LYZL1: variants seen among roughly 807,000 people sequenced by gnomAD.
LYZL1 encodes lysozyme-like protein 1.
LYZL1 carries 16 observed loss-of-function variants against 17.9 expected under a neutral mutation model. The ratio of observed to expected loss-of-function variants is 0.90; its 90% CI spans 0.61 to 1.36. LYZL1 has a LOEUF of 1.36. Among genes scored for constraint, LYZL1 ranks in the 40% most tolerant of loss-of-function variants. The pLI is 0.00. For missense variants in LYZL1, 149 were observed against 188.4 expected, an observed-to-expected ratio of 0.79 and a Z score of 1.22; for synonymous variants, 58 against 71.8, an observed-to-expected ratio of 0.81 and a Z score of 0.97.
Position 29,305,325 on chromosome 10 carries a change from A to G in LYZL1, c.299-4785A>G, listed in dbSNP as rs564972965. On this transcript the variant is annotated intron_variant, in intron 3 of 4. Coordinates refer to ENST00000649382, the MANE Select transcript of LYZL1 (RefSeq NM_032517.6). The stretch of plus-strand genomic sequence containing the variant: ...AAAGTATATTTTAATTATTAACTTT[A>G]TTAACATATAGTGTTTTATGAGCAG... 9.8e-5 allele frequency among the ~76,000 whole-genome samples: 15 copies of G among 152,368 alleles called. 1 individual carries two copies. The South Asian group carries it at 2.9e-3, about 29-fold the overall frequency.
At chr10:29,316,138 C>G (rs1424415899), downstream of LYZL1, among the ~76,000 whole-genome samples, 2 of 152,198 alleles carry the variant, frequency 1.3e-5, no homozygotes, top group Admixed American at 1.3e-4. Context: ...CTGGGAGGAA[C>G]TGTGGGCACA....
At chr10:29,304,671 C>T (rs1280903817) in intron 3 of LYZL1, among the ~76,000 whole-genome samples, 1 of 152,144 alleles carries the variant, frequency 6.6e-6, no homozygotes, top group Non-Finnish European at 1.5e-5. Flanking sequence ...GAAACAATTA[C>T]TGGCAAGAGT....
chr10:29,306,206 A>C (rs10826606), intron 3 of LYZL1, among the ~76,000 whole-genome samples: 46,419 of 141,760 alleles, frequency 0.33, 8,450 homozygotes, highest in East Asian at 0.53. Context: ...GTCAAACATG[A>C]GAACCACTAG....
At chr10:29,297,430 G>A (rs1388288348) in intron 3 of LYZL1, among the ~76,000 whole-genome samples, 1 of 152,176 alleles carries the variant, frequency 6.6e-6, no homozygotes, top group East Asian at 1.9e-4. Flanking sequence ...CTATGGTTTT[G>A]CTTTCCATAG....
intron 3 of LYZL1, among the ~76,000 whole-genome samples, chr10:29,305,612 A>G (rs1229569126): frequency 2.0e-5 from 3 of 152,268 alleles, no homozygotes; most frequent in Admixed American, 2.0e-4. Context: ...TTATATGTCA[A>G]GAAGATAGGC....
downstream of LYZL1, chr10:29,311,361 G>A (rs1835670552): frequency 4.4e-6 from 3 of 680,610 alleles, no homozygotes; most frequent in African/African-American, 5.7e-5. Flanking sequence ...CTGTGGCCCT[G>A]AAACTGCTGC....
At chr10:29,316,942 T>C (rs1026124816) in intron 3 of LYZL1, among the ~76,000 whole-genome samples, 1 of 152,210 alleles carries the variant, frequency 6.6e-6, no homozygotes, top group Non-Finnish European at 1.5e-5. Flanking sequence ...GTTCTTGAAG[T>C]GCTGGGCTCA....
At chr10:29,298,249 G>A (rs555437635) in intron 3 of LYZL1, among the ~76,000 whole-genome samples, 1 of 152,312 alleles carries the variant, frequency 6.6e-6, no homozygotes, top group South Asian at 2.1e-4. Flanking sequence ...AGAGAACTAT[G>A]ACCAGCACCG....
At chr10:29,303,571 G>T (rs966084960) in intron 3 of LYZL1, among the ~76,000 whole-genome samples, 2 of 152,168 alleles carry the variant, frequency 1.3e-5, no homozygotes, top group African/African-American at 4.8e-5. Flanking sequence ...TGGGGCAAAG[G>T]TCTATCTGCA....
chr10:29,316,555 T>C (rs809836), intron 3 of LYZL1, among the ~76,000 whole-genome samples: 71,253 of 151,998 alleles, frequency 0.47, 16,816 homozygotes, highest in Middle Eastern at 0.53. Flanking sequence ...TTACTCACCT[T>C]ATTGGTTAGG....
chr10:29,307,143 T>A (rs1256967310), intron 3 of LYZL1, among the ~76,000 whole-genome samples: 1 of 152,154 alleles, frequency 6.6e-6, no homozygotes, highest in Non-Finnish European at 1.5e-5. Context: ...CATGAGCTAC[T>A]GTGCCCGGCT....
intron 3 of LYZL1, among the ~76,000 whole-genome samples, chr10:29,294,230 C>T (rs1299042744): frequency 6.6e-6 from 1 of 152,050 alleles, no homozygotes; most frequent in Non-Finnish European, 1.5e-5. Context: ...GGCTAACGAC[C>T]ATCTGAGTGT....
chr10:29,294,645 G>C (rs1490463322), intron 3 of LYZL1, among the ~76,000 whole-genome samples: 1 of 152,170 alleles, frequency 6.6e-6, no homozygotes, highest in East Asian at 1.9e-4. Context: ...AGAGAATGAG[G>C]AACAAGAGTG....
At chr10:29,312,176 C>T (rs1487881273), downstream of LYZL1, among the ~76,000 whole-genome samples, 1 of 152,070 alleles carries the variant, frequency 6.6e-6, no homozygotes, top group Non-Finnish European at 1.5e-5. Flanking sequence ...GCTTTTATGC[C>T]TAAATCCTGC....
intron 3 of LYZL1, among the ~76,000 whole-genome samples, 198 bp downstream of exon 3, chr10:29,292,875 A>C (rs974209350): frequency 6.6e-6 from 1 of 152,208 alleles, no homozygotes; most frequent in African/African-American, 2.4e-5. Flanking sequence ...AAGATGACTT[A>C]TTCCTTGTAG....
intron 3 of LYZL1, among the ~76,000 whole-genome samples, chr10:29,295,723 G>A (rs1365255348): frequency 6.6e-6 from 1 of 152,204 alleles, no homozygotes; most frequent in African/African-American, 2.4e-5. Context: ...TTGCCCAGCT[G>A]TGGTCAGAGA....
intron 3 of LYZL1, among the ~76,000 whole-genome samples, chr10:29,309,374 G>A (rs1415154768): frequency 6.6e-6 from 1 of 151,908 alleles, no homozygotes; most frequent in Non-Finnish European, 1.5e-5. Context: ...CAAAACCCTG[G>A]ATAAAAATTT....
chr10:29,314,665 CAT>C (rs1260572567), downstream of LYZL1, among the ~76,000 whole-genome samples: 5 of 152,180 alleles, frequency 3.3e-5, no homozygotes, highest in Admixed American at 6.5e-5. Flanking sequence ...CCACTGGACA[CAT>C]GTGGAATCAC....
intron 3 of LYZL1, among the ~76,000 whole-genome samples, chr10:29,304,376 C>T (rs989239351): frequency 6.6e-6 from 1 of 152,062 alleles, no homozygotes; most frequent in Admixed American, 6.5e-5. Context: ...TTTTTCATCA[C>T]CCTGGTATCT....
Sources: gnomAD v4.1 joint callset for allele counts (sites outside exome capture counted in the v4.1 genomes callset) on GRCh38, gnomAD v4.1.1 for gene constraint, MANE v1.5 for transcripts, NCBI Gene and HGNC (gene_info 2026-07-23, HGNC 2026-07-21) for gene names.